The following RABGAP1L variants were observed in gnomAD, a reference collection of about 807,000 sequenced individuals.
RABGAP1L encodes the protein RAB GTPase activating protein 1 like, also known as rab GTPase-activating protein 1-like.
In RABGAP1L, 63 loss-of-function variants were observed where a neutral mutation model predicts 137.7. The observed-to-expected ratio is 0.46, with a 90% CI of 0.37 to 0.56. The LOEUF is 0.56. Among genes scored for constraint, RABGAP1L ranks in the 20% least tolerant of loss-of-function variants. RABGAP1L has a pLI of 0.00. For missense variants in RABGAP1L, 1,095 were observed against 1,244.0 expected (o/e 0.88, Z 1.80); for synonymous variants, 431 against 433.7 (o/e 0.99, Z 0.08).
intron 17 of RABGAP1L, among the ~76,000 whole-genome samples, chr1:174,713,910 CATT>C (rs1338106205): frequency 6.6e-6 from 1 of 152,070 alleles, no homozygotes; most frequent in Non-Finnish European, 1.5e-5. Context: ...ATTTTTTTCC[CATT>C]ATTCTCCATA....
At chr1:174,921,741 T>C (rs1573836863) in intron 19 of RABGAP1L, among the ~76,000 whole-genome samples, 1 of 152,248 alleles carries the variant, frequency 6.6e-6, no homozygotes, top group East Asian at 1.9e-4. Context: ...CTGAACCATG[T>C]ATTTATTTAT....
chr1:174,363,562 A>C (rs1407729218), intron 11 of RABGAP1L, among the ~76,000 whole-genome samples: 1 of 152,112 alleles, frequency 6.6e-6, no homozygotes, highest in East Asian at 1.9e-4. Flanking sequence ...TGACTGCTTT[A>C]GCTAGAACTT....
At chr1:174,535,753 T>C (rs1247287789) in intron 13 of RABGAP1L, among the ~76,000 whole-genome samples, 1 of 152,212 alleles carries the variant, frequency 6.6e-6, no homozygotes, top group Non-Finnish European at 1.5e-5. Flanking sequence ...ATTGTAGTTA[T>C]GAAAAATGCA....
intron 13 of RABGAP1L, among the ~76,000 whole-genome samples, chr1:174,491,029 C>G (rs1025237292): frequency 6.6e-6 from 1 of 152,104 alleles, no homozygotes; most frequent in Non-Finnish European, 1.5e-5. Flanking sequence ...GGCCTGGAAT[C>G]GGGGACCCCA....
intron 3 of RABGAP1L, among the ~76,000 whole-genome samples, chr1:174,227,187 G>A (rs952962132): frequency 3.3e-5 from 5 of 150,616 alleles, no homozygotes; most frequent in Non-Finnish European, 5.9e-5. Context: ...TACAGAAAAA[G>A]CTGACCATTT....
At chr1:174,551,164 G>A (rs1572290115) in intron 13 of RABGAP1L, among the ~76,000 whole-genome samples, 1 of 149,190 alleles carries the variant, frequency 6.7e-6, no homozygotes, top group Admixed American at 6.7e-5. Flanking sequence ...AGCTGAGATC[G>A]CACCACTGCA....
At chr1:174,734,560 C>A (rs535345367) in intron 17 of RABGAP1L, among the ~76,000 whole-genome samples, 26 of 152,254 alleles carry the variant, frequency 1.7e-4, no homozygotes, top group African/African-American at 5.8e-4. Flanking sequence ...AATTAGGAGA[C>A]AGAAACTTGG....
chr1:174,482,145 A>T (rs1659161434), intron 13 of RABGAP1L, among the ~76,000 whole-genome samples: 1 of 152,216 alleles, frequency 6.6e-6, no homozygotes, highest in Admixed American at 6.5e-5. Context: ...ATGAGCAAGG[A>T]ATGTGGGAAA....
chr1:174,781,967 A>G (rs1488242228), intron 18 of RABGAP1L, among the ~76,000 whole-genome samples: 2 of 152,212 alleles, frequency 1.3e-5, no homozygotes, highest in African/African-American at 4.8e-5. Context: ...TGGTTACTGT[A>G]GCCTTGTAAT....
chr1:174,418,901 G>A (rs548386158), intron 13 of RABGAP1L, among the ~76,000 whole-genome samples: 1 of 152,054 alleles, frequency 6.6e-6, no homozygotes, highest in African/African-American at 2.4e-5. Flanking sequence ...AGCCAGGTGT[G>A]GTAGTGTGCA....
chr1:174,346,097 A>G (rs1016273070), intron 11 of RABGAP1L, among the ~76,000 whole-genome samples: 1 of 152,104 alleles, frequency 6.6e-6, no homozygotes, highest in Non-Finnish European at 1.5e-5. Flanking sequence ...ATAAATCCCA[A>G]TTGGTCATGA....
chr1:174,514,246 C>G (rs1296339720), intron 13 of RABGAP1L, among the ~76,000 whole-genome samples: 2 of 69,306 alleles, frequency 2.9e-5, no homozygotes, highest in Non-Finnish European at 4.8e-5. Context: ...ATATTTTAAG[C>G]CAAAAAAAAA....
chr1:174,920,515 G>A (rs1043523329), intron 19 of RABGAP1L, among the ~76,000 whole-genome samples: 2 of 152,204 alleles, frequency 1.3e-5, no homozygotes, highest in African/African-American at 4.8e-5. Flanking sequence ...AGACTTGGAT[G>A]GGGATGCAGC....
At chr1:174,516,165 A>ACACG (rs1400632943) in intron 13 of RABGAP1L, among the ~76,000 whole-genome samples, 1 of 145,612 alleles carries the variant, frequency 6.9e-6, no homozygotes, top group African/African-American at 2.6e-5. Context: ...ACACACACAC[A>ACACG]CGCTTTGAGA....
At chr1:174,980,660 C>G (rs1182583259) in intron 23 of RABGAP1L, among the ~76,000 whole-genome samples, 1 of 152,120 alleles carries the variant, frequency 6.6e-6, no homozygotes, top group African/African-American at 2.4e-5. Flanking sequence ...CGTTAGGGTC[C>G]AGATCAAGGA....
chr1:174,664,964 C>T (rs1478347590), intron 14 of RABGAP1L, among the ~76,000 whole-genome samples: 5 of 151,944 alleles, frequency 3.3e-5, no homozygotes, highest in East Asian at 1.9e-4. Flanking sequence ...CTCAACCTCC[C>T]GACCTCAGGT....
chr1:174,337,093 A>C (rs115890176), intron 11 of RABGAP1L, among the ~76,000 whole-genome samples: 3,058 of 152,208 alleles, frequency 0.02, 108 homozygotes, highest in African/African-American at 0.071. Flanking sequence ...AAAAAAATTT[A>C]GCATCTTAAA....
intron 17 of RABGAP1L, among the ~76,000 whole-genome samples, chr1:174,713,900 A>AT (rs1310528413): frequency 6.6e-6 from 1 of 151,946 alleles, no homozygotes. Flanking sequence ...TCTTCCTGTC[A>AT]TTTTTTTCCC....
chr1:174,295,212 C>T (rs1045029763), intron 10 of RABGAP1L, among the ~76,000 whole-genome samples: 8 of 150,454 alleles, frequency 5.3e-5, no homozygotes, highest in East Asian at 2.0e-4. Flanking sequence ...CCACTGCGCC[C>T]GGACTTTTTT....
Sources: gnomAD v4.1 joint callset for allele counts (sites outside exome capture counted in the v4.1 genomes callset) on GRCh38, gnomAD v4.1.1 for gene constraint, MANE v1.5 for transcripts, NCBI Gene and HGNC (gene_info 2026-07-23, HGNC 2026-07-21) for gene names.